COBLL1: variants seen among roughly 807,000 people sequenced by gnomAD.
COBLL1 encodes cordon-bleu WH2 repeat protein like 1, also known as cordon-bleu protein-like 1.
Under a neutral mutation model 94.8 loss-of-function variants are expected in COBLL1, and 50 were observed. The ratio of observed to expected loss-of-function variants is 0.53; its 90% CI spans 0.42 to 0.67. The LOEUF is 0.67. Among genes scored for constraint, COBLL1 ranks in the 30% least tolerant of loss-of-function variants. The probability of loss-of-function intolerance (pLI) is 0.00; values close to 1 mark genes in which losing one functional copy is unlikely to be tolerated. For missense variants in COBLL1, 1,362 were observed against 1,348.7 expected (o/e 1.01, Z -0.15); for synonymous variants, 448 against 473.8 (o/e 0.95, Z 0.71).
At chr2:164,779,282 A>C (rs1037790898) in intron 2 of COBLL1, among the ~76,000 whole-genome samples, 1 of 152,152 alleles carries the variant, frequency 6.6e-6, no homozygotes, top group Non-Finnish European at 1.5e-5. Flanking sequence ...AGAAAGGATA[A>C]ACAGTACGAA....
At chr2:164,757,293 T>C (rs1276762636) in intron 2 of COBLL1, among the ~76,000 whole-genome samples, 1 of 152,130 alleles carries the variant, frequency 6.6e-6, no homozygotes, top group Non-Finnish European at 1.5e-5. Context: ...GTTCAATAAA[T>C]GTTTATGTAA....
intron 2 of COBLL1, among the ~76,000 whole-genome samples, chr2:164,819,530 A>AT (rs1464118725): frequency 6.6e-6 from 1 of 151,908 alleles, no homozygotes; most frequent in African/African-American, 2.4e-5. Context: ...GTAAAAAAAA[A>AT]TTTTTTTTAA....
At chr2:164,658,233 A>T (rs1209009835) in intron 2 of COBLL1, among the ~76,000 whole-genome samples, 2 of 152,266 alleles carry the variant, frequency 1.3e-5, no homozygotes, top group East Asian at 3.9e-4. Flanking sequence ...AAATCCAGCT[A>T]GTCCTGTCTC....
At chr2:164,670,234 G>T (rs928858255) in intron 1 of COBLL1, among the ~76,000 whole-genome samples, 4 of 152,052 alleles carry the variant, frequency 2.6e-5, no homozygotes, top group Admixed American at 2.0e-4. Flanking sequence ...GTAAGTGGAA[G>T]AATTTGAACT....
chr2:164,836,175 T>G (rs1683309726), intron 2 of COBLL1, among the ~76,000 whole-genome samples: 1 of 152,126 alleles, frequency 6.6e-6, no homozygotes, highest in Non-Finnish European at 1.5e-5. Context: ...TTGTTATACA[T>G]TTAATAGCTG....
At chr2:164,690,048 AT>A (rs1683512422) in intron 13 of COBLL1, among the ~76,000 whole-genome samples, 1 of 152,150 alleles carries the variant, frequency 6.6e-6, no homozygotes, top group Non-Finnish European at 1.5e-5. Flanking sequence ...ATGACAGTCC[AT>A]TCTTTGAATA....
intron 2 of COBLL1, among the ~76,000 whole-genome samples, chr2:164,814,716 T>G (rs1457132081): frequency 6.6e-6 from 1 of 152,102 alleles, no homozygotes; most frequent in East Asian, 1.9e-4. Context: ...GCCTATATCA[T>G]ATAAAGAAAA....
intron 2 of COBLL1, among the ~76,000 whole-genome samples, chr2:164,747,938 A>G (rs758368817): frequency 1.3e-5 from 2 of 152,204 alleles, no homozygotes; most frequent in Non-Finnish European, 2.9e-5. Context: ...TGCAATGCAT[A>G]ATTACATAAT....
chr2:164,719,824 A>G (rs1351455499), intron 7 of COBLL1, among the ~76,000 whole-genome samples: 2 of 152,198 alleles, frequency 1.3e-5, no homozygotes, highest in Non-Finnish European at 2.9e-5. Flanking sequence ...CCATCAGCCC[A>G]CAAACTCAAA....
intron 1 of COBLL1, among the ~76,000 whole-genome samples, chr2:164,669,122 G>T (rs1221214618): frequency 6.6e-6 from 1 of 152,066 alleles, no homozygotes; most frequent in Non-Finnish European, 1.5e-5. Flanking sequence ...AGATACTTTT[G>T]TTCTCTTTTT....
intron 2 of COBLL1, among the ~76,000 whole-genome samples, chr2:164,770,360 T>C (rs182045596): frequency 1.4e-4 from 22 of 151,954 alleles, no homozygotes; most frequent in African/African-American, 5.1e-4. Context: ...AGATATGTCT[T>C]CTGAAATGAC....
At chr2:164,786,691 C>A (rs1559015294) in intron 2 of COBLL1, among the ~76,000 whole-genome samples, 1 of 152,122 alleles carries the variant, frequency 6.6e-6, no homozygotes, top group Non-Finnish European at 1.5e-5. Flanking sequence ...AGACAGAGAT[C>A]CAGAATCACT....
chr2:164,818,307 C>T (rs530202792), intron 2 of COBLL1, among the ~76,000 whole-genome samples: 1 of 148,380 alleles, frequency 6.7e-6, no homozygotes, highest in South Asian at 2.1e-4. Context: ...CATATGTATA[C>T]ATATACACGT....
chr2:164,786,816 ACAC>A (rs1315691446), intron 2 of COBLL1, among the ~76,000 whole-genome samples: 1 of 152,082 alleles, frequency 6.6e-6, no homozygotes, highest in Non-Finnish European at 1.5e-5. Context: ...AAAGCTTGGT[ACAC>A]CATTCTTAAC....
chr2:164,779,425 C>T (rs1431800828), intron 2 of COBLL1, among the ~76,000 whole-genome samples: 1 of 152,074 alleles, frequency 6.6e-6, no homozygotes, highest in African/African-American at 2.4e-5. Context: ...AAGTTCCTTG[C>T]TCCCTTCAGC....
chr2:164,685,905 C>A lies in COBLL1; in HGVS notation c.*41G>T. ...AATGTTCCATTAGTATGAAGTTGGT[C>A]TGAAGTGGAAGTGAAGTGCAGTGGT... On this transcript the variant is annotated 3_prime_UTR_variant, in exon 14 of 14. Coordinates refer to ENST00000652658, the MANE Select transcript of COBLL1 (RefSeq NM_001365672.2). 1 of 1,202,790 alleles carries A rather than the reference C, an allele frequency of 8.3e-7. No individual in the cohort carries two copies. Among genetic ancestry groups the A allele is most frequent in the Non-Finnish European group, 1.2e-6 (1 of 820,766 alleles). The allele number at this position is 1,202,790 out of a possible 1,614,324, so 74.5% of individuals were successfully genotyped here. A position where few individuals can be genotyped will look rare whatever the true frequency, so the allele number is the denominator to read the frequency against.
At chr2:164,832,147 A>G (rs1683107950) in intron 2 of COBLL1, among the ~76,000 whole-genome samples, 2 of 152,234 alleles carry the variant, frequency 1.3e-5, no homozygotes, top group South Asian at 4.1e-4. Flanking sequence ...GTACATGTGC[A>G]TGTGCATGAA....
At chr2:164,732,193 TA>T (rs949971639) in intron 3 of COBLL1, among the ~76,000 whole-genome samples, 1 of 152,176 alleles carries the variant, frequency 6.6e-6, no homozygotes, top group East Asian at 1.9e-4. Context: ...TCCCTCAATT[TA>T]AAAAAAATTC....
In COBLL1 at chr2:164,686,032, C is replaced by T. The variant is rs776409470; in HGVS notation, c.3301G>A (p.Val1101Ile). Residue 1101 changes from valine (V) to isoleucine (I), a missense_variant and splice_region_variant, in exon 14 of 14, where the codon GTT becomes ATT. Val to Ile is a conservative substitution (Grantham distance 29). Transcript: ENST00000652658. Reference sequence around the variant, plus strand: ...GATATTGTATTTGATGGAATGGTAACCTAAGAGAAAGAAACACACTTTGCA... The same window carrying T: ...GATATTGTATTTGATGGAATGGTAATCTAAGAGAAAGAAACACACTTTGCA... ...SGEAAAKLKR[V>I]TIPSNTISVN... is the part of the protein sequence containing the mutation. 1.9e-6 allele frequency: 3 copies of T among 1,580,012 alleles called. No individual in the cohort carries two copies. Among genetic ancestry groups the T allele is most frequent in the African/African-American group, 1.4e-5 (1 of 73,486 alleles).
Sources: gnomAD v4.1 joint callset for allele counts (sites outside exome capture counted in the v4.1 genomes callset) on GRCh38, gnomAD v4.1.1 for gene constraint, MANE v1.5 for transcripts, NCBI Gene and HGNC (gene_info 2026-07-23, HGNC 2026-07-21) for gene names.